MICU1: variants seen among roughly 807,000 people sequenced by gnomAD.
The protein encoded by MICU1 is calcium uptake protein 1, mitochondrial.
Under a neutral mutation model 56.8 loss-of-function variants are expected in MICU1, and 45 were observed. The observed-to-expected ratio is 0.79, with a 90% confidence interval of 0.62 to 1.02. The LOEUF (loss-of-function observed/expected upper bound fraction) is 1.02. MICU1 is among the 50% of genes least tolerant of loss of function. The pLI, the probability that MICU1 is intolerant of heterozygous loss-of-function variation, is 0.00. For synonymous variants in MICU1, 186 were observed against 195.1 expected (o/e 0.95, Z 0.39); for missense variants, 504 against 587.1 (o/e 0.86, Z 1.46).
chr10:72,398,292 T>C (rs546475341), intron 10 of MICU1, among the ~76,000 whole-genome samples: 2 of 152,066 alleles, frequency 1.3e-5, no homozygotes, highest in Non-Finnish European at 2.9e-5. Context: ...TTTAAAGCAG[T>C]GTATAGAGGG....
chr10:72,525,441 C>T (rs1017576947), intron 5 of MICU1, among the ~76,000 whole-genome samples: 2 of 152,120 alleles, frequency 1.3e-5, no homozygotes, highest in Non-Finnish European at 2.9e-5. Flanking sequence ...AGGGATTTTA[C>T]GGCACAGGAA....
At chr10:72,595,786 A>G (rs905396935) in intron 1 of MICU1, among the ~76,000 whole-genome samples, 1 of 152,154 alleles carries the variant, frequency 6.6e-6, no homozygotes, top group Non-Finnish European at 1.5e-5. Flanking sequence ...CTCACACGCT[A>G]CCACTGGTTA....
intron 5 of MICU1, among the ~76,000 whole-genome samples, chr10:72,516,492 G>A (rs557773260): frequency 6.0e-4 from 91 of 152,222 alleles, no homozygotes; most frequent in African/African-American, 2.1e-3. Flanking sequence ...TGGTGTTTTA[G>A]TCATGAAGTC....
intron 6 of MICU1, chr10:72,503,097 CCTCTGTA>C: frequency 6.6e-6 from 1 of 152,500 alleles, no homozygotes. Flanking sequence ...GTTCTTTAAC[CCTCTGTA>C]TGCCTCAATT....
intron 10 of MICU1, among the ~76,000 whole-genome samples, chr10:72,384,089 G>T (rs1351727909): frequency 6.6e-6 from 1 of 152,154 alleles, no homozygotes; most frequent in African/African-American, 2.4e-5. Context: ...AACATCCTGG[G>T]CTCAAATGAT....
intron 1 of MICU1, among the ~76,000 whole-genome samples, chr10:72,570,632 C>G (rs1158476127): frequency 2.6e-5 from 4 of 152,176 alleles, no homozygotes; most frequent in African/African-American, 9.6e-5. Flanking sequence ...CTCCTAGCTC[C>G]CTTCATCCAA....
chr10:72,547,241 G>A (rs779096734), intron 4 of MICU1, among the ~76,000 whole-genome samples: 1 of 151,892 alleles, frequency 6.6e-6, no homozygotes, highest in Non-Finnish European at 1.5e-5. Flanking sequence ...GTCTCGCTAT[G>A]TTACTCAAGC....
intron 11 of MICU1, among the ~76,000 whole-genome samples, chr10:72,369,772 G>A (rs1443498066): frequency 1.3e-5 from 2 of 151,920 alleles, no homozygotes; most frequent in Non-Finnish European, 2.9e-5. Flanking sequence ...GCAGTGGCGC[G>A]ATCTCAGCTC....
At chr10:72,377,032 C>CT (rs1274442950) in intron 10 of MICU1, among the ~76,000 whole-genome samples, 2 of 152,206 alleles carry the variant, frequency 1.3e-5, no homozygotes, top group African/African-American at 4.8e-5. Flanking sequence ...AACTCTGTCC[C>CT]TCCTCCCTAC....
intron 6 of MICU1, among the ~76,000 whole-genome samples, chr10:72,501,447 T>TA (rs1867064563): frequency 6.6e-6 from 1 of 151,272 alleles, no homozygotes; most frequent in South Asian, 2.1e-4. Context: ...TTTTTTTTAA[T>TA]AAAATGAAAA....
At chr10:72,580,173 A>C (rs1022534385) in intron 1 of MICU1, among the ~76,000 whole-genome samples, 2 of 152,188 alleles carry the variant, frequency 1.3e-5, no homozygotes, top group African/African-American at 4.8e-5. Context: ...ATTCCAGTCT[A>C]TTCCCAGCCC....
intron 3 of MICU1, among the ~76,000 whole-genome samples, chr10:72,560,846 G>A (rs1451226225): frequency 6.6e-6 from 1 of 151,676 alleles, no homozygotes. Context: ...CTCCAGCCTG[G>A]GCGACAGACC....
chr10:72,428,518 T>C (rs1473676862), intron 8 of MICU1, among the ~76,000 whole-genome samples: 12 of 152,176 alleles, frequency 7.9e-5, no homozygotes, highest in Admixed American at 4.6e-4. Context: ...TTCACCAAGT[T>C]GGCCAGGCTG....
chr10:72,367,966 ACTTGTT>A lies in MICU1; in HGVS notation c.*223_*228del. 1 of 477,636 alleles carries A rather than the reference ACTTGTT, an allele frequency of 2.1e-6. No individual in the cohort carries two copies. Among genetic ancestry groups the A allele is most frequent in the Non-Finnish European group, 3.7e-6 (1 of 267,658 alleles). 29.6% of individuals were successfully genotyped at this position (477,636 alleles called of 1,614,324 possible). A position where few individuals can be genotyped will look rare whatever the true frequency, so the allele number is the denominator to read the frequency against. On this transcript the variant is annotated 3_prime_UTR_variant, in exon 12 of 12. Transcript: ENST00000361114. ...GCTGACAAATGTCTGAGCTTTACAG[ACTTGTT>A]CATGTTTTTGAGAACCTATGGGGAT...
intron 8 of MICU1, among the ~76,000 whole-genome samples, chr10:72,465,027 G>C (rs1865746219): frequency 6.6e-6 from 1 of 152,182 alleles, no homozygotes; most frequent in African/African-American, 2.4e-5. Context: ...TTGAGATGGA[G>C]TCTTGCTCTG....
At chr10:72,500,291 TATATATATA>T in intron 6 of MICU1, among the ~76,000 whole-genome samples, 1 of 9,784 alleles carries the variant, frequency 1.0e-4, no homozygotes, top group African/African-American at 1.9e-4. Flanking sequence ...TATATATATA[TATATATATA>T]TATTTTTTTT....
At chr10:72,545,646 G>T (rs566489596) in intron 4 of MICU1, among the ~76,000 whole-genome samples, 1 of 152,284 alleles carries the variant, frequency 6.6e-6, no homozygotes, top group East Asian at 1.9e-4. Context: ...ATAGGTGGCT[G>T]CCCTTAGGGA....
intron 9 of MICU1, among the ~76,000 whole-genome samples, chr10:72,420,966 C>T (rs1350904587): frequency 7.4e-6 from 1 of 135,952 alleles, no homozygotes; most frequent in Non-Finnish European, 1.5e-5. Context: ...CACGCCATTG[C>T]ATTCCAGCCT....
rs1048054766 is a variant in MICU1, at chr10:72,475,436, T to TG, written c.736-140_736-139insC. 3 of 826,768 alleles carry TG rather than the reference T, an allele frequency of 3.6e-6. No homozygotes were observed. The African/African-American group carries it at 5.3e-5, about 14-fold the overall frequency. 51.2% of individuals were successfully genotyped at this position (826,768 alleles called of 1,614,324 possible). ...TATCTCTTTTAATGCTTACAACAAT[T>TG]TTTTTTTTTTGAGACAGAGTCTCTC... On this transcript the variant is annotated intron_variant, in intron 7 of 11. Transcript: ENST00000361114.
Sources: allele counts gnomAD v4.1 joint callset (sites outside exome capture counted in the v4.1 genomes callset), GRCh38; gene constraint gnomAD v4.1.1; transcripts MANE v1.5; gene names NCBI Gene and HGNC (gene_info 2026-07-23, HGNC 2026-07-21).